DYNC1I1: variants seen among roughly 807,000 people sequenced by gnomAD.
DYNC1I1 encodes cytoplasmic dynein 1 intermediate chain 1.
Under a neutral mutation model 86.6 loss-of-function variants are expected in DYNC1I1, and 43 were observed. That is an observed-to-expected ratio of 0.50 (90% CI 0.39 to 0.64). DYNC1I1 has a LOEUF of 0.64. Among genes scored for constraint, DYNC1I1 ranks in the 30% least tolerant of loss-of-function variants. The probability of loss-of-function intolerance (pLI) is 0.00; values close to 1 mark genes in which losing one functional copy is unlikely to be tolerated. For synonymous variants in DYNC1I1, 262 were observed against 283.7 expected, an observed-to-expected ratio of 0.92 and a Z score of 0.77; for missense variants, 604 against 788.8, an observed-to-expected ratio of 0.77 and a Z score of 2.81.
intron 16 of DYNC1I1, among the ~76,000 whole-genome samples, chr7:96,106,004 G>C (rs2116352080): frequency 6.6e-6 from 1 of 152,156 alleles, no homozygotes; most frequent in Middle Eastern, 3.4e-3. Context: ...CTCTTTTTAA[G>C]TTCCTGATGT....
intron 1 of DYNC1I1, among the ~76,000 whole-genome samples, chr7:95,802,348 G>A (rs553563186): frequency 3.3e-5 from 5 of 152,106 alleles, no homozygotes; most frequent in Non-Finnish European, 7.3e-5. Flanking sequence ...CTGTGCTCTC[G>A]CTAATGCACA....
chr7:95,839,176 A>C (rs112189250), intron 5 of DYNC1I1, among the ~76,000 whole-genome samples: 459 of 152,186 alleles, frequency 3.0e-3, no homozygotes, highest in African/African-American at 0.01. Flanking sequence ...GACTATAGGC[A>C]TGCGCCACCA....
chr7:95,810,452 CGA>C lies in DYNC1I1; in HGVS notation c.174_175del (p.Glu58AspfsTer33). On this transcript the variant is annotated frameshift_variant, in exon 3 of 17. Transcript: ENST00000447467. LOFTEE classifies it high-confidence loss of function. The part of the protein sequence containing the change: ...QDDSDLDRKR[R>X]ETEALLQSIG... ...CGACTCTGATCTGGATCGCAAACGA[CGA>C]GAGACAGAGGCTTTGCTGCAAAGCA... 6.2e-7 allele frequency: 1 copy of C among 1,613,044 alleles called. No individual in the cohort carries two copies. Among genetic ancestry groups the C allele is most frequent in the Non-Finnish European group, 8.5e-7 (1 of 1,179,386 alleles).
chr7:95,929,707 T>TA (rs1445009779), intron 6 of DYNC1I1, among the ~76,000 whole-genome samples: 1 of 152,218 alleles, frequency 6.6e-6, no homozygotes, highest in Non-Finnish European at 1.5e-5. Flanking sequence ...GGGTAACCAC[T>TA]ACATCATAGA....
rs73388890 is a variant in DYNC1I1 at position 95,780,021 on chromosome 7, C to T, written c.-10+7248C>T. ...AATCTGGTGTTTTCCTTTTTGAACC[C>T]CTTAGGCTAATCCTTTTCGTCTGGC... is the stretch of plus-strand genomic sequence containing the variant. On this transcript the variant is annotated intron_variant, in intron 1 of 16. Coordinates refer to ENST00000447467, the MANE Select transcript of DYNC1I1 (RefSeq NM_001135556.2). Among the ~76,000 whole-genome samples, 1,307 of 152,124 alleles carry T rather than the reference C, an allele frequency of 8.6e-3. 13 individuals carry two copies. Among genetic ancestry groups the T allele is most frequent in the African/African-American group, 0.028 (1,181 of 41,504 alleles).
chr7:95,914,530 A>G (rs990693883), intron 6 of DYNC1I1, among the ~76,000 whole-genome samples: 2 of 152,234 alleles, frequency 1.3e-5, no homozygotes, highest in African/African-American at 4.8e-5. Flanking sequence ...ATATGAAATA[A>G]TGTTCCTTTT....
At chr7:95,842,611 T>A (rs1189139052) in intron 5 of DYNC1I1, among the ~76,000 whole-genome samples, 1 of 152,176 alleles carries the variant, frequency 6.6e-6, no homozygotes, top group Non-Finnish European at 1.5e-5. Context: ...GGAGTTTGTC[T>A]GGTTCTCTTA....
At chr7:96,005,449 G>T (rs1794116830) in intron 10 of DYNC1I1, among the ~76,000 whole-genome samples, 1 of 152,210 alleles carries the variant, frequency 6.6e-6, no homozygotes, top group South Asian at 2.1e-4. Context: ...GGCGCTCTTT[G>T]TGAACAGCGA....
intron 4 of DYNC1I1, among the ~76,000 whole-genome samples, chr7:95,827,009 G>A (rs1286353848): frequency 6.6e-6 from 1 of 152,176 alleles, no homozygotes; most frequent in Non-Finnish European, 1.5e-5. Flanking sequence ...TGGGGAACTT[G>A]TTAAACTGTA....
chr7:95,996,355 G>A (rs1202791293), intron 10 of DYNC1I1, among the ~76,000 whole-genome samples: 1 of 152,152 alleles, frequency 6.6e-6, no homozygotes, highest in Non-Finnish European at 1.5e-5. Context: ...TGAAGAAATC[G>A]TGGTGTACCA....
intron 1 of DYNC1I1, among the ~76,000 whole-genome samples, chr7:95,778,234 G>A (rs960870746): frequency 1.1e-4 from 17 of 152,148 alleles, no homozygotes; most frequent in Admixed American, 5.9e-4. Context: ...AAGGGGCCCC[G>A]AATAATTCTA....
chr7:96,036,578 T>C (rs1377716843), intron 13 of DYNC1I1, among the ~76,000 whole-genome samples: 1 of 152,236 alleles, frequency 6.6e-6, no homozygotes, highest in African/African-American at 2.4e-5. Context: ...TACTACATTA[T>C]TTCCATTTCA....
In DYNC1I1 at chr7:96,109,959, T is replaced by C. The variant is rs528827591; in HGVS notation, c.1543-20T>C. ...TGTACTGATTTTCTGCCTACCTTTT[T>C]TTTCTTTTTGTGGACACAGGGTCTT... On this transcript the variant is annotated intron_variant, in intron 16 of 16. Transcript: ENST00000537881. 2.7e-5 allele frequency: 8 copies of C among 294,056 alleles called. 1 individual carries two copies. Among genetic ancestry groups the C allele is most frequent in the South Asian group, 2.0e-4 (7 of 35,748 alleles). The allele number at this position is 294,056 out of a possible 1,614,324, so 18.2% of individuals were successfully genotyped here.
intron 1 of DYNC1I1, among the ~76,000 whole-genome samples, chr7:95,783,454 G>A (rs1794048585): frequency 6.6e-6 from 1 of 152,162 alleles, no homozygotes; most frequent in Non-Finnish European, 1.5e-5. Context: ...AGGGGCCAAT[G>A]TCTAATAGAG....
chr7:95,856,423 T>C (rs1789725762), intron 5 of DYNC1I1, among the ~76,000 whole-genome samples: 1 of 152,258 alleles, frequency 6.6e-6, no homozygotes, highest in African/African-American at 2.4e-5. Flanking sequence ...CGTTTCTTTT[T>C]TTCATCATAC....
chr7:96,008,033 G>A (rs546458115), intron 10 of DYNC1I1, among the ~76,000 whole-genome samples: 59 of 152,284 alleles, frequency 3.9e-4, no homozygotes, highest in African/African-American at 1.3e-3. Context: ...ACTTGGGAAT[G>A]CTCTGCTCTT....
chr7:95,928,597 A>G lies in DYNC1I1; in HGVS notation c.491-48915A>G, dbSNP rs1791807063. On this transcript the variant is annotated intron_variant, in intron 6 of 16. Transcript: ENST00000447467. Reference sequence around the variant, plus strand: ...TCCCCAGATTCCAAGGGCGCACTTAATGTTCACCACGTGCAGTGTTTGTCA... The same window carrying G: ...TCCCCAGATTCCAAGGGCGCACTTAGTGTTCACCACGTGCAGTGTTTGTCA... 2.6e-5 allele frequency among the ~76,000 whole-genome samples: 4 copies of G among 152,296 alleles called. No homozygotes were observed. The South Asian group carries it at 8.3e-4, about 32-fold the overall frequency.
chr7:95,938,456 G>T (rs1401225554), intron 6 of DYNC1I1, among the ~76,000 whole-genome samples: 1 of 152,160 alleles, frequency 6.6e-6, no homozygotes, highest in Non-Finnish European at 1.5e-5. Flanking sequence ...TAACCTGTTA[G>T]GGAAAATGCA....
chr7:96,001,454 C>A (rs777853498), intron 10 of DYNC1I1, among the ~76,000 whole-genome samples: 10 of 152,132 alleles, frequency 6.6e-5, no homozygotes, highest in Non-Finnish European at 1.2e-4. Context: ...CCTGCTCAGG[C>A]TGCTACAACA....
Sources: allele counts gnomAD v4.1 joint callset (sites outside exome capture counted in the v4.1 genomes callset), GRCh38; gene constraint gnomAD v4.1.1; transcripts MANE v1.5; gene names NCBI Gene and HGNC (gene_info 2026-07-23, HGNC 2026-07-21).